CLN6: variants seen among roughly 807,000 people sequenced by gnomAD.
The protein encoded by CLN6 is ceroid-lipofuscinosis neuronal protein 6.
CLN6 carries 22 observed loss-of-function variants against 33.3 expected under a neutral mutation model. The observed-to-expected ratio is 0.66, with a 90% CI of 0.47 to 0.94. The LOEUF (loss-of-function observed/expected upper bound fraction) is 0.94. CLN6 is among the 40% of genes least tolerant of loss of function. The pLI is 0.00. For missense variants in CLN6, 387 were observed against 417.1 expected, an observed-to-expected ratio of 0.93 and a Z score of 0.63; for synonymous variants, 201 against 174.6, an observed-to-expected ratio of 1.15 and a Z score of -1.19.
In CLN6 at chr15:68,246,256, C is replaced by A. The variant is rs1198258920; in HGVS notation, c.179+10434G>T. Among the ~76,000 whole-genome samples the A allele has an allele frequency of 1.3e-5, 2 of 152,136 alleles. No individual in the cohort carries two copies. The highest frequency in any genetic ancestry group is 2.4e-5 in the African/African-American group (1 of 41,400). On this transcript the variant is annotated intron_variant, in intron 1 of 6. Coordinates refer to the CLN6 transcript ENST00000538696. This position sits in a 1 kb window ranked among gnomAD's most constrained non-coding sequence, Gnocchi z 4.5. Reference sequence around the variant, plus strand: ...TACAGAACATTTCACCCAACTGCTGCAGAATACACATTGTTTTCATAAACA... The same window carrying A: ...TACAGAACATTTCACCCAACTGCTGAAGAATACACATTGTTTTCATAAACA...
rs1443612274 is a variant in CLN6, at chr15:68,236,015, T to C, written c.180-17365A>G. On this transcript the variant is annotated intron_variant, in intron 1 of 6. Transcript: ENST00000538696. This position sits in a 1 kb window ranked among gnomAD's most constrained non-coding sequence, Gnocchi z 4.5. ...CTTTTTGGTTATTGAAATGATTGAA[T>C]AGCAGATTTAAAATAACTAGGTAGG... Among the ~76,000 whole-genome samples, 2 of 152,208 alleles carry C rather than the reference T, an allele frequency of 1.3e-5. No homozygotes were observed. Among genetic ancestry groups the C allele is most frequent in the Admixed American group, 6.5e-5 (1 of 15,284 alleles).
In CLN6 at chr15:68,207,999, C is replaced by CA. The variant is rs201282122; in HGVS notation, c.*140_*141insT. The CA allele has an allele frequency of 3.8e-6, 3 of 796,708 alleles. No homozygotes were observed. The highest frequency in any genetic ancestry group is 3.5e-5 in the African/African-American group (2 of 57,796). The allele number at this position is 796,708 out of a possible 1,614,324, so 49.4% of individuals were successfully genotyped here. A position where few individuals can be genotyped will look rare whatever the true frequency, so the allele number is the denominator to read the frequency against. On this transcript the variant is annotated 3_prime_UTR_variant, in exon 7 of 7. Transcript: ENST00000249806. ...TACAAGACACACACACACACACACA[C>CA]GAATCCACGCACACGAGGCACACCC...
At position 68,256,268 on chromosome 15, in the gene CLN6, A is replaced by T. The variant is rs935384644; in HGVS notation, c.179+422T>A. 6.6e-6 allele frequency among the ~76,000 whole-genome samples: 1 copy of T among 151,814 alleles called. No individual in the cohort carries two copies. The highest frequency in any genetic ancestry group is 1.5e-5 in the Non-Finnish European group (1 of 67,952). On this transcript the variant is annotated intron_variant, in intron 1 of 6. Transcript: ENST00000538696. The surrounding 1 kb of genome is among the most constrained non-coding windows in gnomAD (Gnocchi z 4.1). ...ATTACAGCCACGCGCCACCATGCCC[A>T]GCTAATTTTTTTGTATTTTTAGTAG... is the stretch of plus-strand genomic sequence containing the variant.
Position 68,208,022 on chromosome 15 carries a change from C to T in CLN6, c.*118G>A. On this transcript the variant is annotated 3_prime_UTR_variant, in exon 7 of 7. Transcript: ENST00000249806. The surrounding 1 kb of genome is among the most constrained non-coding windows in gnomAD (Gnocchi z 5.8). ...CACGAATCCACGCACACGAGGCACA[C>T]CCCACTCATGCTCTCGGTCTCTGGT... The T allele has an allele frequency of 3.6e-6, 4 of 1,104,154 alleles. No homozygotes were observed. The highest frequency in any genetic ancestry group is 2.8e-4 in the Middle Eastern group (1 of 3,514). 68.4% of individuals were successfully genotyped at this position (1,104,154 alleles called of 1,614,324 possible).
rs899592934 is a variant in CLN6 at position 68,218,870 on chromosome 15, A to G, written c.84-220T>C. On this transcript the variant is annotated intron_variant, in intron 1 of 6. Coordinates refer to ENST00000249806, the MANE Select transcript of CLN6 (RefSeq NM_017882.3). ...CCCGACCTTAGCTTCTCTCTGATTC[A>G]GGAAGGAAACAGCTGAACAGGTGTA... Among the ~76,000 whole-genome samples the G allele has an allele frequency of 5.3e-5, 8 of 152,146 alleles. 1 individual carries two copies. The highest frequency in any genetic ancestry group is 4.6e-4 in the Admixed American group (7 of 15,266).
chr15:68,253,612 A>C (rs377308859), intron 1 of CLN6, among the ~76,000 whole-genome samples: 9 of 152,352 alleles, frequency 5.9e-5, no homozygotes, highest in African/African-American at 2.2e-4. Flanking sequence ...TAATACTTAA[A>C]ATTTAGTAAC....
At position 68,211,808 on chromosome 15, in the gene CLN6, A is replaced by C. The variant is rs2093206350; in HGVS notation, c.353T>G (p.Ile118Ser). Reference sequence around the variant, plus strand: ...GATGCTGGCACCCATGATGAAGATGATGATGCTCACGTACGTGATGGAGCG... The same window carrying C: ...GATGCTGGCACCCATGATGAAGATGCTGATGCTCACGTACGTGATGGAGCG... ...LPRSITYVSI[I>S]IFIMGASIHL... Residue 118 changes from isoleucine to serine, a missense_variant, in exon 4 of 7, where the codon ATC becomes AGC. Coordinates refer to ENST00000249806, the MANE Select transcript of CLN6 (RefSeq NM_017882.3). This position sits in a 1 kb window ranked among gnomAD's most constrained non-coding sequence, Gnocchi z 5.9. 1 of 1,613,904 alleles carries C rather than the reference A, an allele frequency of 6.2e-7. No individual in the cohort carries two copies. Among genetic ancestry groups the C allele is most frequent in the East Asian group, 2.2e-5 (1 of 44,870 alleles).
intron 1 of CLN6, among the ~76,000 whole-genome samples, chr15:68,243,482 C>T (rs374764463): frequency 8.5e-5 from 13 of 152,154 alleles, no homozygotes; most frequent in African/African-American, 2.6e-4. Flanking sequence ...TGGCTGGGTG[C>T]GGTGGCTCAT....
At chr15:68,221,384 G>A (rs553265224) in intron 1 of CLN6, among the ~76,000 whole-genome samples, 2 of 152,122 alleles carry the variant, frequency 1.3e-5, no homozygotes, top group East Asian at 1.9e-4. Context: ...GGCACACGCC[G>A]CCACACCTGA....
chr15:68,226,708 G>A (rs1345098753), intron 1 of CLN6, among the ~76,000 whole-genome samples: 3 of 151,944 alleles, frequency 2.0e-5, no homozygotes, highest in Non-Finnish European at 2.9e-5. Flanking sequence ...CTCCTGATCC[G>A]CCCATCTCGG....
At chr15:68,218,511 G>A (rs1595821337) in intron 2 of CLN6, 25 bp downstream of exon 2, 2 of 1,531,108 alleles carry the variant, frequency 1.3e-6, no homozygotes, top group South Asian at 1.1e-5. Flanking sequence ...GCTGGTCAGA[G>A]CCCTGTGCAC....
chr15:68,210,796 T>C lies in CLN6; in HGVS notation c.542+467A>G, dbSNP rs1205145167. Among the ~76,000 whole-genome samples the C allele has an allele frequency of 6.6e-6, 1 of 152,172 alleles. No homozygotes were observed. Among genetic ancestry groups the C allele is most frequent in the Non-Finnish European group, 1.5e-5 (1 of 68,010 alleles). ...GCAAACAGCACGCCCCTCCCCAGCC[T>C]GATCCAGCTGGCTCCCCGCAGCTTC... On this transcript the variant is annotated intron_variant, in intron 5 of 6. Transcript: ENST00000249806. This position sits in a 1 kb window ranked among gnomAD's most constrained non-coding sequence, Gnocchi z 5.6.
Position 68,214,308 on chromosome 15 carries a change from C to T in CLN6, c.279G>A (p.Thr93=), listed in dbSNP as rs746613593. 5.0e-5 allele frequency: 81 copies of T among 1,613,374 alleles called. No homozygotes were observed. The East Asian group carries it at 1.7e-3, about 33-fold the overall frequency. Residue 93 remains threonine, a synonymous_variant, in exon 3 of 7, where the codon ACG becomes ACA. Coordinates refer to ENST00000249806, the MANE Select transcript of CLN6 (RefSeq NM_017882.3). ...DYFHMAYNVI[T]PFLLLKLIER... Reference sequence around the variant, plus strand: ...ACAGTACCTTGAGCAAGAGAAAGGGCGTGATGACGTTGTAGGCCATGTGGA... The same window carrying T: ...ACAGTACCTTGAGCAAGAGAAAGGGTGTGATGACGTTGTAGGCCATGTGGA...
At chr15:68,244,134 A>AAAT (rs756732846) in intron 1 of CLN6, among the ~76,000 whole-genome samples, 13 of 151,910 alleles carry the variant, frequency 8.6e-5, no homozygotes, top group African/African-American at 2.2e-4. Flanking sequence ...CACTAATGCA[A>AAAT]AATAATAATA....
In CLN6 at chr15:68,218,554, A is replaced by C; in HGVS notation, c.180T>G (p.Phe60Leu). The C allele has an allele frequency of 6.2e-7, 1 of 1,613,758 alleles. No individual in the cohort carries two copies. Among genetic ancestry groups the C allele is most frequent in the South Asian group, 1.1e-5 (1 of 91,068 alleles). The change falls in exon 2 of 7, where the codon TTT (phenylalanine) becomes TTG (leucine). Residue 60 changes from phenylalanine to leucine, a missense_variant. Phe to Leu is a conservative substitution (Grantham distance 22). Transcript: ENST00000249806. ...YFTLQNWVLD[F>L]GRPIAMLVFP... is the part of the protein sequence containing the mutation. ...CACTCACCATGGCAATGGGACGCCC[A>C]AAGTCCAGAACCCAGTTCTGCAGTG...
rs1420838203 is a variant in CLN6, at chr15:68,241,711, A to G, written c.179+14979T>C. The stretch of plus-strand genomic sequence containing the variant: ...TCAGAGTGGCTGTTAGCAGCACCAC[A>G]CTGTAGCAGCTGCATTCCACAGGTC... On this transcript the variant is annotated intron_variant, in intron 1 of 6. Coordinates refer to the CLN6 transcript ENST00000538696. The surrounding 1 kb of genome is among the most constrained non-coding windows in gnomAD (Gnocchi z 4.2). Among the ~76,000 whole-genome samples, 2 of 152,182 alleles carry G rather than the reference A, an allele frequency of 1.3e-5. No individual in the cohort carries two copies. The highest frequency in any genetic ancestry group is 2.9e-5 in the Non-Finnish European group (2 of 68,036).
rs976154833 is a variant in CLN6 at position 68,227,284 on chromosome 15, C to T, written c.83+2218G>A. On this transcript the variant is annotated intron_variant, in intron 1 of 6. Coordinates refer to ENST00000249806, the MANE Select transcript of CLN6 (RefSeq NM_017882.3). The surrounding 1 kb of genome is among the most constrained non-coding windows in gnomAD (Gnocchi z 4.1). Reference sequence around the variant, plus strand: ...GAACTCCTGGACTCAAGTGATCCACCCACCTTGGCCTCCCAAAGTGCTGGG... The same window carrying T: ...GAACTCCTGGACTCAAGTGATCCACTCACCTTGGCCTCCCAAAGTGCTGGG... 6.6e-6 allele frequency among the ~76,000 whole-genome samples: 1 copy of T among 152,116 alleles called. No individual in the cohort carries two copies. The highest frequency in any genetic ancestry group is 6.5e-5 in the Admixed American group (1 of 15,288).
chr15:68,233,129 C>T (rs2093270555), upstream of CLN6, among the ~76,000 whole-genome samples: 1 of 152,186 alleles, frequency 6.6e-6, no homozygotes, highest in Non-Finnish European at 1.5e-5. The surrounding 1 kb of genome is among the most constrained non-coding windows in gnomAD (Gnocchi z 4.3). Context: ...AGTGCACTCT[C>T]TTGTGTGCCC....
chr15:68,217,325 A>T (rs145844209), intron 2 of CLN6, among the ~76,000 whole-genome samples: 404 of 152,200 alleles, frequency 2.7e-3, no homozygotes, highest in African/African-American at 9.0e-3. Flanking sequence ...TCAACTTCCC[A>T]GGCTCAGGAG....
Sources: gnomAD v4.1 joint callset for allele counts (sites outside exome capture counted in the v4.1 genomes callset) on GRCh38, gnomAD v4.1.1 for gene constraint, Gnocchi (gnomAD v3.1) non-coding constraint, MANE v1.5 for transcripts, NCBI Gene and HGNC (gene_info 2026-07-23, HGNC 2026-07-21) for gene names.